The following DPYD variants were observed in gnomAD, a reference collection of about 807,000 sequenced individuals.
DPYD encodes dihydropyrimidine dehydrogenase.
In DPYD, 109 loss-of-function variants were observed where a neutral mutation model predicts 116.2. The ratio of observed to expected loss-of-function variants is 0.94; its 90% CI spans 0.80 to 1.10. The LOEUF (loss-of-function observed/expected upper bound fraction) is 1.10. Among genes scored for constraint, DPYD ranks in the 50% least tolerant of loss-of-function variants. The pLI, the probability that DPYD is intolerant of heterozygous loss-of-function variation, is 0.00. For synonymous variants in DPYD, 440 were observed against 432.0 expected (o/e 1.02, Z -0.23); for missense variants, 1,302 against 1,254.5 (o/e 1.04, Z -0.57).
chr1:97,824,789 A>C (rs1669148456), intron 3 of DPYD, among the ~76,000 whole-genome samples: 1 of 152,174 alleles, frequency 6.6e-6, no homozygotes, highest in African/African-American at 2.4e-5. Flanking sequence ...TATTTTCCTA[A>C]GCCCTGTATT....
chr1:97,704,468 T>G (rs568305296), intron 5 of DPYD, among the ~76,000 whole-genome samples: 1 of 152,078 alleles, frequency 6.6e-6, no homozygotes, highest in South Asian at 2.1e-4. Context: ...AAATAAAAGT[T>G]TACAAAAGTT....
intron 8 of DPYD, among the ~76,000 whole-genome samples, chr1:97,673,398 T>A (rs527662980): frequency 2.6e-5 from 4 of 152,308 alleles, no homozygotes; most frequent in African/African-American, 9.6e-5. Context: ...CCCCTGGGTT[T>A]GGGCAATGTT....
At chr1:97,317,745 C>A (rs1378598307) in intron 16 of DPYD, among the ~76,000 whole-genome samples, 1 of 151,924 alleles carries the variant, frequency 6.6e-6, no homozygotes, top group Non-Finnish European at 1.5e-5. Context: ...ACCCACCATG[C>A]TGATACATTT....
chr1:97,717,806 TG>T (rs1460156306), intron 5 of DPYD, among the ~76,000 whole-genome samples: 5 of 151,786 alleles, frequency 3.3e-5, no homozygotes, highest in Non-Finnish European at 7.4e-5. Context: ...TAGTATTCCA[TG>T]GTGTGTGTGT....
intron 18 of DPYD, among the ~76,000 whole-genome samples, chr1:97,250,815 T>C (rs545342063): frequency 1.3e-5 from 2 of 152,314 alleles, no homozygotes; most frequent in African/African-American, 4.8e-5. Flanking sequence ...CTTTCTGGTG[T>C]GAAGGAAATA....
chr1:97,476,320 G>A (rs1487181128), intron 13 of DPYD, among the ~76,000 whole-genome samples: 7 of 152,126 alleles, frequency 4.6e-5, no homozygotes, highest in Admixed American at 3.3e-4. Context: ...AAATATATGT[G>A]TGATTATAAA....
intron 10 of DPYD, among the ~76,000 whole-genome samples, chr1:97,586,970 T>C (rs1476264365): frequency 6.6e-6 from 1 of 152,146 alleles, no homozygotes; most frequent in Non-Finnish European, 1.5e-5. Flanking sequence ...CTCTGAATGT[T>C]AAAAATATAA....
intron 3 of DPYD, among the ~76,000 whole-genome samples, chr1:97,814,723 G>A (rs1018524280): frequency 5.9e-5 from 9 of 151,910 alleles, no homozygotes; most frequent in African/African-American, 2.2e-4. Context: ...GGCCAACATG[G>A]TGAAACCCCG....
intron 14 of DPYD, among the ~76,000 whole-genome samples, chr1:97,397,044 T>C (rs998848710): frequency 1.3e-5 from 2 of 152,056 alleles, no homozygotes; most frequent in African/African-American, 4.8e-5. Context: ...TATCCACCTT[T>C]AGTTTCTTAT....
At position 97,760,240 on chromosome 1, in the gene DPYD, G is replaced by A. The variant is rs180914386; in HGVS notation, c.234-19761C>T. 4.2e-3 allele frequency among the ~76,000 whole-genome samples: 638 copies of A among 152,158 alleles called. 9 individuals are homozygous for A. The highest frequency in any genetic ancestry group is 0.015 in the African/African-American group (615 of 41,524). ...GTTTTACTAGTCCTCTAAGAATTTT[G>A]TTGTAAAACTTTTATTGGAAGCCCA... On this transcript the variant is annotated intron_variant, in intron 3 of 22. Transcript: ENST00000370192.
chr1:97,788,565 A>G (rs1009590674), intron 3 of DPYD, among the ~76,000 whole-genome samples: 4 of 152,206 alleles, frequency 2.6e-5, no homozygotes, highest in Non-Finnish European at 4.4e-5. Flanking sequence ...ACACAATTGC[A>G]AAAAATTATA....
At chr1:97,560,201 T>C (rs953342131) in intron 11 of DPYD, among the ~76,000 whole-genome samples, 7 of 152,152 alleles carry the variant, frequency 4.6e-5, no homozygotes, top group Admixed American at 1.3e-4. Flanking sequence ...ATCCACTTAT[T>C]TTTAAAGTGT....
intron 20 of DPYD, among the ~76,000 whole-genome samples, chr1:97,137,157 G>A (rs539941191): frequency 6.6e-6 from 1 of 152,340 alleles, no homozygotes; most frequent in African/African-American, 2.4e-5. Flanking sequence ...TGGAACAGCA[G>A]GCCTTCCGGG....
intron 20 of DPYD, among the ~76,000 whole-genome samples, chr1:97,189,707 T>C (rs927787414): frequency 3.9e-5 from 6 of 152,290 alleles, no homozygotes; most frequent in African/African-American, 9.6e-5. Flanking sequence ...CACAAGCCCA[T>C]AGTTAAAACC....
rs185992223 is a variant in DPYD, at chr1:97,685,487, G to T, written c.762+6230C>A. ...ATTTCAACACAGTATTGGAAGCTCT[G>T]GCCAGGGCAATCAGGCAAAAGACAG... On this transcript the variant is annotated intron_variant, in intron 7 of 22. Coordinates refer to ENST00000370192, the MANE Select transcript of DPYD (RefSeq NM_000110.4). Among the ~76,000 whole-genome samples, 26 of 152,220 alleles carry T rather than the reference G, an allele frequency of 1.7e-4. No homozygotes were observed. In the East Asian group the frequency reaches 3.9e-3, roughly 23 times the overall value.
rs541851203 is a variant in DPYD, at chr1:97,391,136, T to C, written c.1906-8675A>G. Among the ~76,000 whole-genome samples the C allele has an allele frequency of 5.3e-5, 8 of 151,652 alleles. No individual in the cohort carries two copies. The South Asian group carries it at 1.5e-3, about 28-fold the overall frequency. ...CCAGAGTCCACTCACAGTCCTCTTTTAGTCTCATTTCACATGCATTCACTA... is the reference window on the plus strand; with the variant it reads ...CCAGAGTCCACTCACAGTCCTCTTTCAGTCTCATTTCACATGCATTCACTA... On this transcript the variant is annotated intron_variant, in intron 14 of 22. Coordinates refer to ENST00000370192, the MANE Select transcript of DPYD (RefSeq NM_000110.4).
rs1261388730 is a variant in DPYD at position 97,883,386 on chromosome 1, A to G, written c.40-12T>C. On this transcript the variant is annotated splice_polypyrimidine_tract_variant and intron_variant, in intron 1 of 22. Coordinates refer to ENST00000370192, the MANE Select transcript of DPYD (RefSeq NM_000110.4). ...AAAGCCAGGATACTCTAAAGACAGC[A>G]TAAACAATGTGTAAATATATGGAAA... 26 of 1,515,542 alleles carry G rather than the reference A, an allele frequency of 1.7e-5. No homozygotes were observed. The highest frequency in any genetic ancestry group is 2.2e-5 in the Non-Finnish European group (24 of 1,090,596). The allele number at this position is 1,515,542 out of a possible 1,614,324, so 93.9% of individuals were successfully genotyped here.
intron 19 of DPYD, among the ~76,000 whole-genome samples, chr1:97,198,469 T>C (rs1386059052): frequency 6.6e-6 from 1 of 152,186 alleles, no homozygotes; most frequent in Non-Finnish European, 1.5e-5. Flanking sequence ...AAGTGCACCA[T>C]TGAGAACAGC....
intron 3 of DPYD, among the ~76,000 whole-genome samples, chr1:97,745,598 T>C (rs1664504562): frequency 1.3e-5 from 2 of 152,124 alleles, no homozygotes; most frequent in African/African-American, 4.8e-5. Flanking sequence ...TTAAAATGTA[T>C]AGTTTATACT....
Sources: allele counts gnomAD v4.1 joint callset (sites outside exome capture counted in the v4.1 genomes callset), GRCh38; gene constraint gnomAD v4.1.1; transcripts MANE v1.5; gene names NCBI Gene and HGNC (gene_info 2026-07-23, HGNC 2026-07-21).